PALM2AKAP2: variants seen among roughly 807,000 people sequenced by gnomAD.
PALM2AKAP2 encodes PALM2-AKAP2 fusion protein.
In PALM2AKAP2, 37 loss-of-function variants were observed where a neutral mutation model predicts 71.5. The observed-to-expected ratio is 0.52, with a 90% confidence interval of 0.40 to 0.68. PALM2AKAP2 has a LOEUF of 0.68. Ranked by LOEUF, PALM2AKAP2 falls within the 30% of genes least tolerant of loss-of-function variation. The pLI is 0.00. For synonymous variants in PALM2AKAP2, 468 were observed against 478.8 expected (o/e 0.98, Z 0.29); for missense variants, 1,224 against 1,191.8 (o/e 1.03, Z -0.40).
chr9:109,910,417 G>T (rs1218343521), intron 3 of PALM2AKAP2, among the ~76,000 whole-genome samples: 1 of 152,136 alleles, frequency 6.6e-6, no homozygotes, highest in Non-Finnish European at 1.5e-5. Flanking sequence ...AAGCATGTTC[G>T]GTAGGAATTA....
chr9:110,112,781 G>A (rs1835279787), intron 1 of PALM2AKAP2, among the ~76,000 whole-genome samples: 1 of 152,174 alleles, frequency 6.6e-6, no homozygotes, highest in Non-Finnish European at 1.5e-5. Context: ...GGAGCCCTTG[G>A]GCAAGTCACT....
At chr9:110,098,653 A>C (rs1219279212) in intron 1 of PALM2AKAP2, among the ~76,000 whole-genome samples, 8 of 152,214 alleles carry the variant, frequency 5.3e-5, no homozygotes, top group Admixed American at 5.2e-4. Flanking sequence ...CACATCAGCC[A>C]AGCTCTTTGC....
intron 6 of PALM2AKAP2, among the ~76,000 whole-genome samples, chr9:109,993,702 T>C (rs932086282): frequency 1.3e-5 from 2 of 151,592 alleles, no homozygotes; most frequent in Admixed American, 6.6e-5. Flanking sequence ...TTCCTTCCTC[T>C]CCTCATTCTC....
chr9:109,742,748 A>G (rs374682888), intron 1 of PALM2AKAP2, among the ~76,000 whole-genome samples: 96 of 152,306 alleles, frequency 6.3e-4, no homozygotes, highest in African/African-American at 2.2e-3. Context: ...TCACTTCTAC[A>G]TGCCATATTT....
chr9:110,037,496 G>A lies in PALM2AKAP2; in HGVS notation c.582+21457G>A, dbSNP rs111593859. ...GCTGGGATTACAGGCGTGAGCCACC[G>A]CACCCGGCTTCAACAACAAATATTT... On this transcript the variant is annotated intron_variant, in intron 7 of 9. Coordinates refer to the PALM2AKAP2 transcript ENST00000302798. Among the ~76,000 whole-genome samples the A allele has an allele frequency of 4.8e-3, 727 of 152,242 alleles. 5 individuals carry two copies. Among genetic ancestry groups the A allele is most frequent in the African/African-American group, 0.017 (692 of 41,544 alleles).
At chr9:109,960,888 G>A (rs1020230273) in intron 6 of PALM2AKAP2, among the ~76,000 whole-genome samples, 3 of 152,184 alleles carry the variant, frequency 2.0e-5, no homozygotes, top group African/African-American at 7.2e-5. Context: ...CAGTGTGGGT[G>A]CTTGTTTACT....
At chr9:110,168,499 C>T (rs748539622) in exon 4 of PALM2AKAP2, 7 of 1,614,042 alleles carry the variant, frequency 4.3e-6, no homozygotes, top group Non-Finnish European at 5.1e-6. Flanking sequence ...AACGAATAAA[C>T]TTCCTTCAAC....
At chr9:110,000,572 T>C (rs915979524) in intron 6 of PALM2AKAP2, among the ~76,000 whole-genome samples, 2 of 152,208 alleles carry the variant, frequency 1.3e-5, no homozygotes, top group African/African-American at 2.4e-5. Context: ...GTTCTAGATC[T>C]CTGAGGAATC....
chr9:109,725,679 T>C (rs981227906), intron 1 of PALM2AKAP2, among the ~76,000 whole-genome samples: 31 of 152,176 alleles, frequency 2.0e-4, no homozygotes, highest in African/African-American at 7.5e-4. Flanking sequence ...GAGGTGTGCA[T>C]ATTTAAAGGA....
At chr9:109,905,926 A>G (rs993239866) in intron 3 of PALM2AKAP2, among the ~76,000 whole-genome samples, 1 of 152,168 alleles carries the variant, frequency 6.6e-6, no homozygotes, top group African/African-American at 2.4e-5. Flanking sequence ...GGAGTTCAAG[A>G]CCAGCCTGGG....
At chr9:110,170,951 A>G (rs1179931666) in exon 4 of PALM2AKAP2, 1 of 152,544 alleles carries the variant, frequency 6.6e-6, no homozygotes, top group African/African-American at 2.4e-5. Context: ...GGATGGCTGG[A>G]GAGTAGGATA....
intron 1 of PALM2AKAP2, among the ~76,000 whole-genome samples, chr9:109,713,822 G>A (rs1828277005): frequency 6.6e-6 from 1 of 152,162 alleles, no homozygotes; most frequent in African/African-American, 2.4e-5. Flanking sequence ...GTATGATACT[G>A]TAATGGTGGA....
intron 6 of PALM2AKAP2, among the ~76,000 whole-genome samples, chr9:109,987,935 CT>C (rs558424768): frequency 2.0e-5 from 3 of 152,242 alleles, no homozygotes; most frequent in Non-Finnish European, 4.4e-5. Context: ...TCATCAGTCT[CT>C]GTTTCATTGT....
chr9:109,797,751 A>G (rs1008661623), intron 1 of PALM2AKAP2, among the ~76,000 whole-genome samples: 5 of 152,234 alleles, frequency 3.3e-5, no homozygotes, highest in Admixed American at 2.6e-4. Context: ...AACAAAAATG[A>G]GCCATCTCTA....
intron 1 of PALM2AKAP2, among the ~76,000 whole-genome samples, chr9:109,771,023 G>T (rs1209377779): frequency 6.6e-6 from 1 of 152,202 alleles, no homozygotes; most frequent in African/African-American, 2.4e-5. Context: ...ATAAGGTCAG[G>T]TTTGTCCAAT....
chr9:109,785,217 A>G (rs542124140), intron 1 of PALM2AKAP2, among the ~76,000 whole-genome samples: 65 of 152,372 alleles, frequency 4.3e-4, no homozygotes, highest in African/African-American at 1.5e-3. Context: ...AATCTAACCT[A>G]TGCTGTTCTT....
At chr9:109,803,103 G>A (rs1028724782) in intron 1 of PALM2AKAP2, among the ~76,000 whole-genome samples, 2 of 150,472 alleles carry the variant, frequency 1.3e-5, no homozygotes, top group African/African-American at 2.4e-5. Flanking sequence ...GGTTTTTGGG[G>A]AAAAAAAAAG....
chr9:109,811,495 A>C (rs1413470799), intron 1 of PALM2AKAP2, among the ~76,000 whole-genome samples: 1 of 152,244 alleles, frequency 6.6e-6, no homozygotes, highest in Admixed American at 6.5e-5. Context: ...TGTTAAAAAA[A>C]ATAGTACATT....
intron 1 of PALM2AKAP2, among the ~76,000 whole-genome samples, chr9:109,703,133 T>C (rs1046187352): frequency 6.6e-6 from 1 of 152,222 alleles, no homozygotes; most frequent in Non-Finnish European, 1.5e-5. Flanking sequence ...TTTTACCATT[T>C]CTAAAAGACA....
Sources: gnomAD v4.1 joint callset for allele counts (sites outside exome capture counted in the v4.1 genomes callset) on GRCh38, gnomAD v4.1.1 for gene constraint, MANE v1.5 for transcripts, NCBI Gene and HGNC (gene_info 2026-07-23, HGNC 2026-07-21) for gene names.